IL1RAPL1: variants seen among roughly 807,000 people sequenced by gnomAD.
IL1RAPL1 encodes the protein interleukin 1 receptor accessory protein like 1, also known as interleukin-1 receptor accessory protein-like 1.
Under a neutral mutation model 48.4 loss-of-function variants are expected in IL1RAPL1, and 3 were observed. The ratio of observed to expected loss-of-function variants is 0.06; its 90% CI spans 0.03 to 0.16. The LOEUF (loss-of-function observed/expected upper bound fraction) is 0.16. IL1RAPL1 is among the 10% of genes least tolerant of loss of function. The probability of loss-of-function intolerance (pLI) is 1.00; values close to 1 mark genes in which losing one functional copy is unlikely to be tolerated. For missense variants in IL1RAPL1, 349 were observed against 530.6 expected (o/e 0.66, Z 3.36); for synonymous variants, 185 against 187.7 (o/e 0.99, Z 0.12).
At chrX:29,640,844 A>C (rs1925142560) in intron 5 of IL1RAPL1, among the ~76,000 whole-genome samples, 1 of 111,912 alleles carries the variant, frequency 8.9e-6, no homozygotes, top group African/African-American at 3.2e-5. Flanking sequence ...CCTTAAACAC[A>C]AATTACATTA....
At chrX:29,803,656 T>C (rs1414470964) in intron 6 of IL1RAPL1, among the ~76,000 whole-genome samples, 1 of 104,631 alleles carries the variant, frequency 9.6e-6, no homozygotes, top group East Asian at 3.0e-4. Flanking sequence ...CGCGTGTATA[T>C]ATATACACAC....
chrX:29,439,355 C>A (rs1312151441), intron 5 of IL1RAPL1, among the ~76,000 whole-genome samples: 1 of 111,660 alleles, frequency 9.0e-6, no homozygotes, highest in African/African-American at 3.2e-5. Context: ...GGAGAGCTGG[C>A]AGAAACTTGG....
rs187796130 is a variant in IL1RAPL1, at chrX:29,739,144, C to T, written c.778+70640C>T. 4.5e-5 allele frequency among the ~76,000 whole-genome samples: 5 copies of T among 112,345 alleles called. No homozygotes were observed. In the East Asian group the frequency reaches 1.1e-3, roughly 25 times the overall value. On this transcript the variant is annotated intron_variant, in intron 6 of 10. Coordinates refer to ENST00000378993, the MANE Select transcript of IL1RAPL1 (RefSeq NM_014271.4). ...AGGTTAATTGATGTGCTGAAAGGCACATAAAGTGCCCGGCTCAGTCCCACG... is the reference window on the plus strand; with the variant it reads ...AGGTTAATTGATGTGCTGAAAGGCATATAAAGTGCCCGGCTCAGTCCCACG...
chrX:29,799,250 C>T (rs941096535), intron 6 of IL1RAPL1, among the ~76,000 whole-genome samples: 3 of 112,152 alleles, frequency 2.7e-5, no homozygotes, highest in Non-Finnish European at 3.8e-5. Context: ...GCAGCTGTTT[C>T]GTTATACTTT....
At chrX:29,156,320 A>G (rs144850187) in intron 2 of IL1RAPL1, among the ~76,000 whole-genome samples, 2 of 111,915 alleles carry the variant, frequency 1.8e-5, no homozygotes, top group East Asian at 2.8e-4. Flanking sequence ...ATGGAAGGAG[A>G]AGATGGTAAC....
chrX:29,854,948 A>G (rs1255523433), intron 6 of IL1RAPL1, among the ~76,000 whole-genome samples: 2 of 110,765 alleles, frequency 1.8e-5, no homozygotes, highest in Non-Finnish European at 3.8e-5. Flanking sequence ...ATTTCTCTAT[A>G]ACACCTATTT....
intron 6 of IL1RAPL1, among the ~76,000 whole-genome samples, chrX:29,694,592 G>T (rs970007335): frequency 9.0e-6 from 1 of 111,713 alleles, no homozygotes; most frequent in African/African-American, 3.3e-5. Context: ...GGAAGTCCAA[G>T]ATCAAGGCAC....
intron 2 of IL1RAPL1, among the ~76,000 whole-genome samples, chrX:28,936,225 G>T (rs574826667): frequency 8.1e-5 from 9 of 111,050 alleles, no homozygotes; most frequent in South Asian, 3.8e-4. Flanking sequence ...CTGAAAATGT[G>T]AGTTTTGAGG....
intron 6 of IL1RAPL1, among the ~76,000 whole-genome samples, chrX:29,904,637 C>A (rs1407390794): frequency 9.0e-6 from 1 of 111,137 alleles, no homozygotes; most frequent in Admixed American, 9.6e-5. Context: ...TTTTCTGTTC[C>A]TGTGTTAGTT....
chrX:29,157,467 A>C (rs905290228), intron 2 of IL1RAPL1, among the ~76,000 whole-genome samples: 2 of 111,971 alleles, frequency 1.8e-5, no homozygotes, highest in Non-Finnish European at 3.8e-5. Flanking sequence ...TTTGTCCTCA[A>C]TACAATTTCT....
chrX:29,595,617 T>C (rs935037209), intron 5 of IL1RAPL1, among the ~76,000 whole-genome samples: 1 of 112,035 alleles, frequency 8.9e-6, no homozygotes, highest in Non-Finnish European at 1.9e-5. Flanking sequence ...TTGTTTGAGT[T>C]CTTTGTAGAT....
chrX:29,037,190 A>C (rs1017330256), intron 2 of IL1RAPL1, among the ~76,000 whole-genome samples: 3 of 112,122 alleles, frequency 2.7e-5, no homozygotes, highest in Admixed American at 9.5e-5. Context: ...ATTTCTTGCC[A>C]GCTAAAAGAG....
chrX:28,818,096 C>A (rs1370651383), intron 2 of IL1RAPL1, among the ~76,000 whole-genome samples: 1 of 110,822 alleles, frequency 9.0e-6, no homozygotes, highest in Non-Finnish European at 1.9e-5. Flanking sequence ...ATGCTAGAGG[C>A]ATAGCTTAGG....
In IL1RAPL1 at chrX:28,893,782, T is replaced by A. The variant is rs145960824; in HGVS notation, c.82+104357T>A. ...CGGCTTGTAACCTACACAGAAGAGG[T>A]TATGAAATGATGACAGAACAGAATG... On this transcript the variant is annotated intron_variant, in intron 2 of 10. Coordinates refer to ENST00000378993, the MANE Select transcript of IL1RAPL1 (RefSeq NM_014271.4). Among the ~76,000 whole-genome samples the A allele has an allele frequency of 8.4e-3, 938 of 111,165 alleles. 11 individuals are homozygous for A. Among genetic ancestry groups the A allele is most frequent in the African/African-American group, 0.029 (885 of 30,521 alleles).
At position 28,678,749 on chromosome X, in the gene IL1RAPL1, G is replaced by A. The variant is rs73630070; in HGVS notation, c.-25+90702G>A. Reference sequence around the variant, plus strand: ...ACATTATCAATGTCAAGGCTAAAAGGGAATTTATTAATAGTTCTGTCTAAT... The same window carrying A: ...ACATTATCAATGTCAAGGCTAAAAGAGAATTTATTAATAGTTCTGTCTAAT... On this transcript the variant is annotated intron_variant, in intron 1 of 10. Coordinates refer to ENST00000378993, the MANE Select transcript of IL1RAPL1 (RefSeq NM_014271.4). 7.0e-3 allele frequency among the ~76,000 whole-genome samples: 784 copies of A among 111,574 alleles called. 10 individuals carry two copies. Among genetic ancestry groups the A allele is most frequent in the African/African-American group, 0.024 (745 of 30,749 alleles).
chrX:29,415,126 C>G (rs1014337718), intron 5 of IL1RAPL1, among the ~76,000 whole-genome samples: 1 of 111,526 alleles, frequency 9.0e-6, no homozygotes, highest in East Asian at 2.8e-4. Context: ...TCTCTAGGTA[C>G]CATTAATAAA....
At chrX:28,899,767 C>G (rs750593709) in intron 2 of IL1RAPL1, among the ~76,000 whole-genome samples, 3 of 111,560 alleles carry the variant, frequency 2.7e-5, no homozygotes, top group Admixed American at 9.6e-5. Context: ...TCAGCTGTGG[C>G]TAGGGGTCTG....
chrX:28,792,657 G>A (rs1178600269), intron 2 of IL1RAPL1, among the ~76,000 whole-genome samples: 3 of 101,124 alleles, frequency 3.0e-5, no homozygotes, highest in African/African-American at 7.2e-5. Context: ...GCGTGGTGGC[G>A]GGTGCTTGTA....
At chrX:29,832,705 G>GTTTTTTTT in intron 6 of IL1RAPL1, among the ~76,000 whole-genome samples, 1 of 85,043 alleles carries the variant, frequency 1.2e-5, no homozygotes, top group East Asian at 3.6e-4. Flanking sequence ...TTTTGTTTTT[G>GTTTTTTTT]TTTTTTTTTT....
Sources: gnomAD v4.1 joint callset for allele counts (sites outside exome capture counted in the v4.1 genomes callset) on GRCh38, gnomAD v4.1.1 for gene constraint, MANE v1.5 for transcripts, NCBI Gene and HGNC (gene_info 2026-07-23, HGNC 2026-07-21) for gene names.